Variants in PAPPA observed in about 807,000 individuals in gnomAD.
PAPPA encodes the protein pappalysin 1.
PAPPA carries 60 observed loss-of-function variants against 164.0 expected under a neutral mutation model. The ratio of observed to expected loss-of-function variants is 0.37; its 90% CI spans 0.30 to 0.45. The LOEUF (loss-of-function observed/expected upper bound fraction) is 0.45. Ranked by LOEUF, PAPPA falls within the 20% of genes least tolerant of loss-of-function variation. The pLI, the probability that PAPPA is intolerant of heterozygous loss-of-function variation, is 1.00. For synonymous variants in PAPPA, 875 were observed against 814.1 expected, an observed-to-expected ratio of 1.07 and a Z score of -1.27; for missense variants, 1,782 against 2,087.3, an observed-to-expected ratio of 0.85 and a Z score of 2.85.
intron 1 of PAPPA, among the ~76,000 whole-genome samples, chr9:116,173,469 A>T (rs1010876583): frequency 6.6e-6 from 1 of 151,404 alleles, no homozygotes; most frequent in African/African-American, 2.4e-5. Context: ...ATCCCCACCC[A>T]CCCCCATGGA....
At chr9:116,245,442 A>AGGATTGAGGAAGG (rs1165773289) in intron 7 of PAPPA, among the ~76,000 whole-genome samples, 3 of 152,206 alleles carry the variant, frequency 2.0e-5, no homozygotes, top group Non-Finnish European at 1.5e-5. Context: ...CTGTGAAGAA[A>AGGATTGAGGAAGG]GGATTGAGGA....
At chr9:116,231,778 T>TTTTTTTTTTTTTTGGTG (rs1564192736) in intron 6 of PAPPA, among the ~76,000 whole-genome samples, 1 of 144,094 alleles carries the variant, frequency 6.9e-6, no homozygotes, top group African/African-American at 2.6e-5. Flanking sequence ...TTTTTTTTTT[T>TTTTTTTTTTTTTTGGTG]GAGATGGAGT....
chr9:116,316,823 T>C (rs1355785734), intron 10 of PAPPA, among the ~76,000 whole-genome samples: 1 of 152,194 alleles, frequency 6.6e-6, no homozygotes, highest in Non-Finnish European at 1.5e-5. Flanking sequence ...AAAATCAAGC[T>C]CGAGGCAACC....
At chr9:116,176,709 G>A (rs1362396608) in intron 1 of PAPPA, among the ~76,000 whole-genome samples, 2 of 152,104 alleles carry the variant, frequency 1.3e-5, no homozygotes, top group Non-Finnish European at 2.9e-5. Flanking sequence ...TTCAATTAGA[G>A]TCTGTTGAGC....
At chr9:116,253,363 A>T (rs941542344) in intron 7 of PAPPA, among the ~76,000 whole-genome samples, 12 of 152,184 alleles carry the variant, frequency 7.9e-5, no homozygotes, top group African/African-American at 2.9e-4. Flanking sequence ...ACTGAGCTTC[A>T]TACATTTTTT....
intron 10 of PAPPA, among the ~76,000 whole-genome samples, chr9:116,318,880 G>A (rs182841622): frequency 9.9e-5 from 15 of 152,214 alleles, no homozygotes; most frequent in East Asian, 5.8e-4. Context: ...AGGCCCAGCC[G>A]CCGACCCTCA....
chr9:116,158,071 C>A (rs1843624492), intron 1 of PAPPA, among the ~76,000 whole-genome samples: 2 of 152,166 alleles, frequency 1.3e-5, no homozygotes, highest in African/African-American at 4.8e-5. Flanking sequence ...ACTCCCCTTG[C>A]CTTAGTGATT....
chr9:116,356,439 T>C (rs763717872), intron 17 of PAPPA, among the ~76,000 whole-genome samples: 9 of 152,240 alleles, frequency 5.9e-5, no homozygotes, highest in Non-Finnish European at 8.8e-5. Context: ...ACTAGCCTGC[T>C]TTAAGGTCAC....
intron 20 of PAPPA, 119 bp from the exon 21 acceptor site, chr9:116,382,276 C>A: frequency 1.4e-6 from 1 of 695,838 alleles, no homozygotes; most frequent in Non-Finnish European, 2.6e-6. Context: ...GAAGCCTGGC[C>A]AGCTAATCGT....
At chr9:116,324,475 G>A (rs1845897782) in intron 10 of PAPPA, among the ~76,000 whole-genome samples, 1 of 152,128 alleles carries the variant, frequency 6.6e-6, no homozygotes, top group Admixed American at 6.5e-5. Context: ...TGTGTGCTGG[G>A]AAATCTGCTG....
In PAPPA at chr9:116,235,338, A is replaced by G; in HGVS notation, c.2433A>G (p.Gly811=). ...TFVSTDWDSS[G]AVNDIKLLAV... ...TCTCCACTGACTGGGACTCTAGTGG[A>G]GCTGTCAATGACATCAAACTGTTGG... The change falls in exon 7 of 22, where the codon GGA becomes GGG. Residue 811 remains glycine, a synonymous_variant. Coordinates refer to ENST00000328252, the MANE Select transcript of PAPPA (RefSeq NM_002581.5). 1 of 1,613,942 alleles carries G rather than the reference A, an allele frequency of 6.2e-7. No homozygotes were observed. The highest frequency in any genetic ancestry group is 8.5e-7 in the Non-Finnish European group (1 of 1,179,922).
At chr9:116,155,724 C>G (rs1051687003) in intron 1 of PAPPA, among the ~76,000 whole-genome samples, 1 of 152,148 alleles carries the variant, frequency 6.6e-6, no homozygotes, top group Non-Finnish European at 1.5e-5. Context: ...ATGGCTTGGA[C>G]TTTCACAGAT....
intron 1 of PAPPA, among the ~76,000 whole-genome samples, chr9:116,180,413 A>G (rs190364775): frequency 4.9e-4 from 75 of 152,284 alleles, no homozygotes; most frequent in African/African-American, 1.7e-3. Context: ...AGGGAAAATC[A>G]ATTAACCTCT....
intron 3 of PAPPA, among the ~76,000 whole-genome samples, chr9:116,208,844 G>T (rs559126094): frequency 6.6e-6 from 1 of 152,064 alleles, no homozygotes; most frequent in East Asian, 1.9e-4. Context: ...GTGTGTGTGC[G>T]TGTGTGTGCA....
chr9:116,332,340 T>A lies in PAPPA; in HGVS notation c.3269T>A (p.Phe1090Tyr), dbSNP rs766827372. 6.2e-7 allele frequency: 1 copy of A among 1,613,006 alleles called. No homozygotes were observed. The highest frequency in any genetic ancestry group is 1.3e-5 in the African/African-American group (1 of 74,926). Residue 1090 changes from phenylalanine to tyrosine, a missense_variant, in exon 12 of 22, where the codon TTT becomes TAT. Coordinates refer to ENST00000328252, the MANE Select transcript of PAPPA (RefSeq NM_002581.5). ...ACGTCTTCACAATTTCAGGCGTATT[T>A]TTCTCAACCAATGGTTGCCGCAGCT... Reference protein sequence around the residue: ...AQTTFWLRAYFSQPMVAAAVI... With the variant: ...AQTTFWLRAYYSQPMVAAAVI...
intron 14 of PAPPA, 49 bp from the exon 15 acceptor site, chr9:116,346,977 T>A: frequency 6.6e-7 from 1 of 1,510,692 alleles, no homozygotes; most frequent in Non-Finnish European, 9.0e-7. Flanking sequence ...TTTCTCCACA[T>A]CTAGAGCTCA....
rs372756083 is a variant in PAPPA at position 116,382,455 on chromosome 9, G to A, written c.4738G>A (p.Gly1580Ser). 1.5e-5 allele frequency: 25 copies of A among 1,613,710 alleles called. No homozygotes were observed. The highest frequency in any genetic ancestry group is 1.3e-4 in the African/African-American group (10 of 74,964). ...CAACCGAGCCTTTTGCAACTATGAC[G>A]GTGGGGATTGCTGCACCTCCACAGT... ...INNRAFCNYD[G>S]GDCCTSTVKT... is the part of the protein sequence containing the mutation. Residue 1580 changes from glycine (G) to serine (S), a missense_variant, in exon 21 of 22, where the codon GGT (glycine) becomes AGT (serine). Physicochemically the swap from Gly to Ser is moderately conservative, Grantham distance 56. Coordinates refer to ENST00000328252, the MANE Select transcript of PAPPA (RefSeq NM_002581.5).
At chr9:116,350,222 T>C (rs1489104607) in intron 15 of PAPPA, among the ~76,000 whole-genome samples, 1 of 152,012 alleles carries the variant, frequency 6.6e-6, no homozygotes, top group Non-Finnish European at 1.5e-5. Flanking sequence ...AGGCAGAGAG[T>C]TGGCAGTGCA....
At chr9:116,330,868 C>T (rs887362233) in intron 10 of PAPPA, among the ~76,000 whole-genome samples, 5 of 152,106 alleles carry the variant, frequency 3.3e-5, no homozygotes, top group Non-Finnish European at 2.9e-5. Context: ...TTTGATCAAA[C>T]CTAAGCATTC....
Sources: gnomAD v4.1 joint callset for allele counts (sites outside exome capture counted in the v4.1 genomes callset) on GRCh38, gnomAD v4.1.1 for gene constraint, MANE v1.5 for transcripts, NCBI Gene and HGNC (gene_info 2026-07-23, HGNC 2026-07-21) for gene names.